Variants in PGAP1 observed in about 807,000 individuals in gnomAD.
PGAP1 encodes post-GPI attachment to proteins inositol deacylase 1.
A neutral mutation model predicts 127.0 loss-of-function variants in PGAP1; 76 were observed. The ratio of observed to expected loss-of-function variants is 0.60; its 90% CI spans 0.50 to 0.72. PGAP1 has a LOEUF of 0.72. Ranked by LOEUF, PGAP1 falls within the 30% of genes least tolerant of loss-of-function variation. The pLI is 0.00. For missense variants in PGAP1, 982 were observed against 1,071.3 expected, an observed-to-expected ratio of 0.92 and a Z score of 1.16; for synonymous variants, 362 against 366.5, an observed-to-expected ratio of 0.99 and a Z score of 0.14.
At chr2:196,881,139 C>T (rs1395060381) in intron 12 of PGAP1, among the ~76,000 whole-genome samples, 1 of 152,158 alleles carries the variant, frequency 6.6e-6, no homozygotes, top group Non-Finnish European at 1.5e-5. Flanking sequence ...TCTCTTCCTG[C>T]ATTCATTTGC....
Position 196,841,309 on chromosome 2 carries a change from C to T in PGAP1, c.2694G>A (p.Gly898=). 1 of 1,613,764 alleles carries T rather than the reference C, an allele frequency of 6.2e-7. No individual in the cohort carries two copies. Among genetic ancestry groups the T allele is most frequent in the African/African-American group, 1.3e-5 (1 of 74,982 alleles). ...ATGGAAGCCTATATAAATGTGCTGACCCAAAAGCAATCACACCAACAGCCA... is the reference window on the plus strand; with the variant it reads ...ATGGAAGCCTATATAAATGTGCTGATCCAAAAGCAATCACACCAACAGCCA... ...LPLAVGVIAF[G]SAHLYRLPCF... is the part of the protein sequence containing the mutation. Residue 898 remains glycine, a synonymous_variant, in exon 27 of 27, where the codon GGG becomes GGA. Transcript: ENST00000354764.
At chr2:196,911,832 G>C (rs371239669) in intron 4 of PGAP1, among the ~76,000 whole-genome samples, 2 of 151,956 alleles carry the variant, frequency 1.3e-5, no homozygotes, top group Admixed American at 1.3e-4. Flanking sequence ...TTGATTAGAC[G>C]ATGTCAATCA....
intron 5 of PGAP1, 29 bp from the exon 6 acceptor site, chr2:196,898,398 G>A (rs751318106): frequency 4.6e-6 from 7 of 1,521,368 alleles, no homozygotes; most frequent in Admixed American, 1.7e-5. Flanking sequence ...ATAAACTTAC[G>A]AAAAGCACAT....
At chr2:196,859,733 T>A (rs538297055) in intron 20 of PGAP1, among the ~76,000 whole-genome samples, 1 of 152,246 alleles carries the variant, frequency 6.6e-6, no homozygotes, top group Admixed American at 6.5e-5. Flanking sequence ...ATCAATATGA[T>A]AAATAACACA....
chr2:196,836,169 T>TAG lies in PGAP1; in HGVS notation c.*5064_*5065insCT, dbSNP rs1258021700. 1 of 152,512 alleles carries TAG rather than the reference T, an allele frequency of 6.6e-6. No individual in the cohort carries two copies. The highest frequency in any genetic ancestry group is 1.5e-5 in the Non-Finnish European group (1 of 67,954). The allele number at this position is 152,512 out of a possible 1,614,324, so 9.4% of individuals were successfully genotyped here. ...ATGAGTACAGACAGATTCTGACTCA[T>TAG]ATATCAAGTCCTATACAAAGTCTTC... On this transcript the variant is annotated 3_prime_UTR_variant, in exon 27 of 27. Coordinates refer to ENST00000354764, the MANE Select transcript of PGAP1 (RefSeq NM_024989.4).
Position 196,858,195 on chromosome 2 carries a change from A to G in PGAP1, c.1861+6792T>C, listed in dbSNP as rs183555189. ...GGTGGGCAGATCACGAGGTCAGGAGATCGAGACCATCCTGGCTAACAAGGT... is the reference window on the plus strand; with the variant it reads ...GGTGGGCAGATCACGAGGTCAGGAGGTCGAGACCATCCTGGCTAACAAGGT... On this transcript the variant is annotated intron_variant, in intron 20 of 26. Transcript: ENST00000354764. Among the ~76,000 whole-genome samples, 192 of 152,164 alleles carry G rather than the reference A, an allele frequency of 1.3e-3. 5 individuals are homozygous for G. The East Asian group carries it at 0.03, about 24-fold the overall frequency.
intron 21 of PGAP1, 70 bp from the exon 22 acceptor site, chr2:196,847,270 G>T: frequency 8.5e-7 from 1 of 1,174,840 alleles, no homozygotes; most frequent in Non-Finnish European, 1.2e-6. Flanking sequence ...TATTTGAGGT[G>T]TCTGACTATT....
At chr2:196,913,178 A>G in intron 3 of PGAP1, 125 bp from the exon 4 acceptor site, 1 of 791,984 alleles carries the variant, frequency 1.3e-6, no homozygotes. Context: ...ATAACCTCCC[A>G]TCATAAGGTA....
intron 16 of PGAP1, 72 bp from the exon 17 acceptor site, chr2:196,873,098 C>A: frequency 3.7e-6 from 2 of 541,156 alleles, no homozygotes; most frequent in South Asian, 2.9e-5. Context: ...ACTATAATAT[C>A]TAACTAATTA....
intron 7 of PGAP1, among the ~76,000 whole-genome samples, chr2:196,896,778 G>A (rs572827256): frequency 2.3e-4 from 32 of 140,388 alleles, no homozygotes; most frequent in African/African-American, 6.8e-4. Context: ...GCAGTGAGCC[G>A]AGATCACGCC....
At position 196,841,139 on chromosome 2, in the gene PGAP1, A is replaced by T; in HGVS notation, c.*95T>A. On this transcript the variant is annotated 3_prime_UTR_variant, in exon 27 of 27. Transcript: ENST00000354764. Reference sequence around the variant, plus strand: ...TGTAAAAATAGACTTGTCTTCTCCAAAGGATCTTGCTGTCCATACTGATGG... The same window carrying T: ...TGTAAAAATAGACTTGTCTTCTCCATAGGATCTTGCTGTCCATACTGATGG... 1 of 1,225,038 alleles carries T rather than the reference A, an allele frequency of 8.2e-7. No individual in the cohort carries two copies. The highest frequency in any genetic ancestry group is 1.1e-6 in the Non-Finnish European group (1 of 904,092). The allele number at this position is 1,225,038 out of a possible 1,614,324, so 75.9% of individuals were successfully genotyped here.
intron 12 of PGAP1, among the ~76,000 whole-genome samples, chr2:196,885,132 G>C (rs978353632): frequency 6.6e-6 from 1 of 152,084 alleles, no homozygotes; most frequent in African/African-American, 2.4e-5. Flanking sequence ...TCCTCAAATT[G>C]AATGTTAGAA....
chr2:196,916,637 G>A, intron 2 of PGAP1, 44 bp from the exon 3 acceptor site: 4 of 1,494,342 alleles, frequency 2.7e-6, no homozygotes, highest in East Asian at 2.4e-5. Flanking sequence ...AATATTTACA[G>A]GTTTCATCCA....
intron 13 of PGAP1, among the ~76,000 whole-genome samples, chr2:196,879,052 G>A (rs997997770): frequency 6.6e-6 from 1 of 151,958 alleles, no homozygotes; most frequent in African/African-American, 2.4e-5. Context: ...ACCCATTAAG[G>A]CCATTTTGTT....
At position 196,837,829 on chromosome 2, in the gene PGAP1, A is replaced by T. The variant is rs1186187759; in HGVS notation, c.*3405T>A. ...TAGTATAGTTCACTCAAGAAGGGGT[A>T]TTCCATTATATAGATCTGAATTTGT... On this transcript the variant is annotated 3_prime_UTR_variant, in exon 27 of 27. Transcript: ENST00000354764. 1.3e-5 allele frequency: 2 copies of T among 152,194 alleles called. No homozygotes were observed. Among genetic ancestry groups the T allele is most frequent in the African/African-American group, 2.4e-5 (1 of 41,444 alleles). 9.4% of individuals were successfully genotyped at this position (152,194 alleles called of 1,614,324 possible).
chr2:196,893,689 C>T (rs984778885), intron 7 of PGAP1, among the ~76,000 whole-genome samples: 2 of 152,160 alleles, frequency 1.3e-5, no homozygotes, highest in Non-Finnish European at 1.5e-5. Context: ...ACTGCCAACA[C>T]CATAACAAAG....
rs1489961280 is a variant in PGAP1, at chr2:196,840,868, A to T, written c.*366T>A. 6.0e-6 allele frequency: 1 copy of T among 167,014 alleles called. No individual in the cohort carries two copies. Among genetic ancestry groups the T allele is most frequent in the Non-Finnish European group, 1.3e-5 (1 of 78,366 alleles). 10.3% of individuals were successfully genotyped at this position (167,014 alleles called of 1,614,324 possible). On this transcript the variant is annotated 3_prime_UTR_variant, in exon 27 of 27. Coordinates refer to ENST00000354764, the MANE Select transcript of PGAP1 (RefSeq NM_024989.4). ...TTGTGAAAAAAAGTTTGATGAAATG[A>T]GCAGAATGCTTGCAGTGAGACTGCA...
At chr2:196,875,878 T>TA in intron 13 of PGAP1, 57 bp from the exon 14 acceptor site, 17 of 861,866 alleles carry the variant, frequency 2.0e-5, no homozygotes, top group Non-Finnish European at 3.0e-5. Context: ...CAGTAAAGTA[T>TA]CTTTACTTGA....
At chr2:196,846,298 A>G (rs900798055) in intron 22 of PGAP1, among the ~76,000 whole-genome samples, 4 of 152,068 alleles carry the variant, frequency 2.6e-5, no homozygotes, top group African/African-American at 4.8e-5. Context: ...TTAATTATAC[A>G]CTCTGTGCCA....
Sources: allele counts gnomAD v4.1 joint callset (sites outside exome capture counted in the v4.1 genomes callset), GRCh38; gene constraint gnomAD v4.1.1; transcripts MANE v1.5; gene names NCBI Gene and HGNC (gene_info 2026-07-23, HGNC 2026-07-21).